The following LRRTM3 variants were observed in gnomAD, a reference collection of about 807,000 sequenced individuals.
The protein encoded by LRRTM3 is leucine rich repeat transmembrane neuronal 3.
Under a neutral mutation model 44.7 loss-of-function variants are expected in LRRTM3, and 24 were observed. That is an observed-to-expected ratio of 0.54 (90% CI 0.39 to 0.76). The LOEUF (loss-of-function observed/expected upper bound fraction) is 0.76, where lower values mean the gene tolerates loss of function less well. Ranked by LOEUF, LRRTM3 falls within the 30% of genes least tolerant of loss-of-function variation. LRRTM3 has a pLI of 0.00. For synonymous variants in LRRTM3, 277 were observed against 278.7 expected (o/e 0.99, Z 0.06); for missense variants, 587 against 702.2 (o/e 0.84, Z 1.85).
chr10:66,986,921 A>T (rs1850759744), intron 2 of LRRTM3, among the ~76,000 whole-genome samples: 1 of 152,166 alleles, frequency 6.6e-6, no homozygotes, highest in Non-Finnish European at 1.5e-5. Flanking sequence ...CACTGTCTTC[A>T]TGAAGTTTAT....
rs142052506 is a variant in LRRTM3, at chr10:67,063,912, T to C, written c.1537-33675T>C. Among the ~76,000 whole-genome samples the C allele has an allele frequency of 2.9e-3, 440 of 152,312 alleles. 1 individual carries two copies. Among genetic ancestry groups the C allele is most frequent in the African/African-American group, 0.01 (416 of 41,578 alleles). On this transcript the variant is annotated intron_variant, in intron 2 of 2. Coordinates refer to ENST00000361320, the MANE Select transcript of LRRTM3 (RefSeq NM_178011.5). Reference sequence around the variant, plus strand: ...CCTCTAGAAGGAAACTGATTTGATATGTTTATGGGTGCATTTACCTTCTGC... The same window carrying C: ...CCTCTAGAAGGAAACTGATTTGATACGTTTATGGGTGCATTTACCTTCTGC...
intron 2 of LRRTM3, among the ~76,000 whole-genome samples, chr10:67,065,259 G>A (rs767538213): frequency 3.3e-5 from 5 of 151,992 alleles, no homozygotes; most frequent in Non-Finnish European, 7.4e-5. Flanking sequence ...TATGGCCTTG[G>A]GCAACTCCTT....
intron 2 of LRRTM3, among the ~76,000 whole-genome samples, chr10:67,037,829 G>A (rs897043074): frequency 2.6e-5 from 4 of 152,146 alleles, no homozygotes; most frequent in African/African-American, 7.2e-5. Flanking sequence ...GACAATTTGA[G>A]ATGTATTGGT....
chr10:67,019,270 G>A (rs1852843654), intron 2 of LRRTM3, among the ~76,000 whole-genome samples: 1 of 152,172 alleles, frequency 6.6e-6, no homozygotes, highest in Non-Finnish European at 1.5e-5. Context: ...CCAGGCTGGA[G>A]TGTAATGGCG....
chr10:67,062,992 G>A (rs964497447), intron 2 of LRRTM3, among the ~76,000 whole-genome samples: 6 of 151,610 alleles, frequency 4.0e-5, no homozygotes, highest in African/African-American at 1.2e-4. Flanking sequence ...TCTGATCGTT[G>A]TCTTTTAGGC....
intron 2 of LRRTM3, among the ~76,000 whole-genome samples, chr10:67,012,753 T>C (rs965249284): frequency 6.6e-6 from 1 of 152,156 alleles, no homozygotes; most frequent in Non-Finnish European, 1.5e-5. Context: ...TATACACTTC[T>C]GTAAAATGAT....
chr10:67,069,676 A>G (rs1856327523), intron 2 of LRRTM3, among the ~76,000 whole-genome samples: 1 of 151,272 alleles, frequency 6.6e-6, no homozygotes, highest in African/African-American at 2.4e-5. Flanking sequence ...ATCACTCAGT[A>G]TATACTCTGT....
intron 2 of LRRTM3, among the ~76,000 whole-genome samples, chr10:67,052,971 G>T (rs1369018373): frequency 2.0e-5 from 3 of 152,232 alleles, no homozygotes; most frequent in African/African-American, 4.8e-5. Context: ...TATGTTCATT[G>T]TACTTACACT....
intron 2 of LRRTM3, among the ~76,000 whole-genome samples, chr10:67,094,414 A>G (rs1348659190): frequency 1.3e-5 from 2 of 151,888 alleles, no homozygotes; most frequent in Admixed American, 1.3e-4. Context: ...AAAATACATG[A>G]TAGCAATTGT....
At chr10:66,961,935 C>T (rs968246139) in intron 2 of LRRTM3, among the ~76,000 whole-genome samples, 10 of 152,080 alleles carry the variant, frequency 6.6e-5, no homozygotes, top group Non-Finnish European at 1.5e-4. Flanking sequence ...CTCTCAAAGC[C>T]ACTTCCAACT....
chr10:67,054,932 A>C (rs1030093173), intron 2 of LRRTM3: 5 of 152,156 alleles, frequency 3.3e-5, no homozygotes, highest in African/African-American at 1.2e-4. Flanking sequence ...TATAATGTTA[A>C]ATCTAACATA....
At position 66,964,050 on chromosome 10, in the gene LRRTM3, C is replaced by T. The variant is rs2132787879; in HGVS notation, c.1536+35598C>T. On this transcript the variant is annotated intron_variant, in intron 2 of 2. Coordinates refer to ENST00000361320, the MANE Select transcript of LRRTM3 (RefSeq NM_178011.5). ...TTTTTTCAGTAGTGATGGGTTTTCACCATGTTGGCCAGGATGGTCTCGATC... is the reference window on the plus strand; with the variant it reads ...TTTTTTCAGTAGTGATGGGTTTTCATCATGTTGGCCAGGATGGTCTCGATC... Among the ~76,000 whole-genome samples the T allele has an allele frequency of 3.3e-5, 5 of 151,882 alleles. 1 individual carries two copies. The South Asian group carries it at 1.0e-3, about 32-fold the overall frequency.
intron 2 of LRRTM3, among the ~76,000 whole-genome samples, chr10:67,049,059 T>C (rs1854930386): frequency 6.6e-6 from 1 of 151,112 alleles, no homozygotes; most frequent in Non-Finnish European, 1.5e-5. Flanking sequence ...TCTTCTTATC[T>C]TAAAAACACC....
At chr10:67,049,688 C>T (rs909911223) in intron 2 of LRRTM3, among the ~76,000 whole-genome samples, 1 of 152,128 alleles carries the variant, frequency 6.6e-6, no homozygotes, top group African/African-American at 2.4e-5. Context: ...AAAACAGTCC[C>T]TGACAAGTAC....
chr10:66,967,254 T>C (rs1425795693), intron 2 of LRRTM3, among the ~76,000 whole-genome samples: 1 of 151,902 alleles, frequency 6.6e-6, no homozygotes, highest in Non-Finnish European at 1.5e-5. Flanking sequence ...AATTAAAACA[T>C]TGTCTTATAT....
rs1858208456 is a variant in LRRTM3 at position 67,099,460 on chromosome 10, G to A, written c.*1664G>A. ...TCTAACAGGGGCCAATCAAAACAAT[G>A]AAGAAAAGAATAACTGAAAACAATG... is the stretch of plus-strand genomic sequence containing the variant. On this transcript the variant is annotated 3_prime_UTR_variant, in exon 3 of 3. Transcript: ENST00000361320. 1 of 151,658 alleles carries A rather than the reference G, an allele frequency of 6.6e-6. No homozygotes were observed. Among genetic ancestry groups the A allele is most frequent in the African/African-American group, 2.4e-5 (1 of 41,302 alleles). The allele number at this position is 151,658 out of a possible 1,614,324, so 9.4% of individuals were successfully genotyped here.
rs1185496231 is a variant in LRRTM3 at position 66,969,514 on chromosome 10, G to T, written c.1536+41062G>T. 5.3e-5 allele frequency among the ~76,000 whole-genome samples: 8 copies of T among 151,984 alleles called. No individual in the cohort carries two copies. In the East Asian group the frequency reaches 1.4e-3, roughly 26 times the overall value. On this transcript the variant is annotated intron_variant, in intron 2 of 2. Transcript: ENST00000361320. ...ATTGTATCTTGGATTATTTCCTCGG[G>T]ATACATTTTTATATGCCAAATTGCT...
intron 2 of LRRTM3, among the ~76,000 whole-genome samples, chr10:67,021,186 A>G (rs1044771720): frequency 6.6e-6 from 1 of 152,186 alleles, no homozygotes; most frequent in African/African-American, 2.4e-5. Context: ...CAAGATCAGA[A>G]AAGAAGTTCA....
chr10:66,926,841 A>C, intron 1 of LRRTM3, 80 bp from the exon 2 acceptor site: 2 of 1,266,720 alleles, frequency 1.6e-6, no homozygotes, highest in Non-Finnish European at 2.1e-6. Flanking sequence ...TAAAAATGAA[A>C]AATATATGCC....
Sources: gnomAD v4.1 joint callset for allele counts (sites outside exome capture counted in the v4.1 genomes callset) on GRCh38, gnomAD v4.1.1 for gene constraint, MANE v1.5 for transcripts, NCBI Gene and HGNC (gene_info 2026-07-23, HGNC 2026-07-21) for gene names.